CARF: variants seen among roughly 807,000 people sequenced by gnomAD.
CARF encodes the protein calcium responsive transcription factor, also known as calcium-responsive transcription factor.
A neutral mutation model predicts 82.0 loss-of-function variants in CARF; 57 were observed. That is an observed-to-expected ratio of 0.70 (90% CI 0.56 to 0.87). The LOEUF is 0.87. CARF is among the 40% of genes least tolerant of loss of function. The pLI is 0.00. For synonymous variants in CARF, 268 were observed against 290.1 expected (o/e 0.92, Z 0.77); for missense variants, 771 against 855.8 (o/e 0.90, Z 1.24).
intron 3 of CARF, among the ~76,000 whole-genome samples, chr2:202,928,419 A>G (rs1454958397): frequency 6.6e-6 from 1 of 152,188 alleles, no homozygotes; most frequent in Non-Finnish European, 1.5e-5. Flanking sequence ...TTGTGGAATA[A>G]TGATGTAATA....
At chr2:202,970,140 T>C (rs1257864933) in intron 11 of CARF, 78 bp downstream of exon 11, 7 of 1,297,236 alleles carry the variant, frequency 5.4e-6, no homozygotes, top group Middle Eastern at 2.4e-4. Flanking sequence ...AGGGAAATTA[T>C]AGTTTTCCAA....
Position 202,970,022 on chromosome 2 carries a change from A to G in CARF, c.1057A>G (p.Met353Val), listed in dbSNP as rs1486676137. 3 of 1,576,364 alleles carry G rather than the reference A, an allele frequency of 1.9e-6. No individual in the cohort carries two copies. The highest frequency in any genetic ancestry group is 2.6e-6 in the Non-Finnish European group (3 of 1,169,322). The change falls in exon 11 of 17, where the codon ATG becomes GTG. Residue 353 changes from methionine to valine, a missense_variant. Physicochemically the swap from Met to Val is conservative, Grantham distance 21. Coordinates refer to ENST00000438828, the MANE Select transcript of CARF (RefSeq NM_024744.17). Reference protein sequence around the residue: ...IRMEQEKAFNMLKKNLVDAGG... With the variant: ...IRMEQEKAFNVLKKNLVDAGG... ...AATGGAGCAGGAGAAAGCTTTTAAC[A>G]TGCTAAAGAAGAACTTGGTAGATGC...
At chr2:202,962,986 G>A (rs952917860) in intron 9 of CARF, 5 of 152,216 alleles carry the variant, frequency 3.3e-5, no homozygotes, top group African/African-American at 1.2e-4. Flanking sequence ...ATTGCTGGTT[G>A]TGAATTATGC....
chr2:202,921,995 AT>A (rs1169957776), intron 2 of CARF, among the ~76,000 whole-genome samples: 163 of 141,054 alleles, frequency 1.2e-3, no homozygotes, highest in East Asian at 2.5e-3. Context: ...TGCCTGGCTG[AT>A]TTTTTTTTTT....
chr2:202,918,608 T>C (rs1201852257), intron 2 of CARF, among the ~76,000 whole-genome samples: 3 of 152,172 alleles, frequency 2.0e-5, no homozygotes, highest in African/African-American at 2.4e-5. Flanking sequence ...TAAAAACTTA[T>C]AGCATATACT....
intron 5 of CARF, among the ~76,000 whole-genome samples, chr2:202,947,561 G>A (rs1431135872): frequency 6.6e-6 from 1 of 152,138 alleles, no homozygotes; most frequent in African/African-American, 2.4e-5. Context: ...GAGTTGATAG[G>A]TGCAGCAAAC....
rs770488211 is a variant in CARF at position 202,982,425 on chromosome 2, C to T, written c.2043C>T (p.Asp681=). 1 of 1,613,952 alleles carries T rather than the reference C, an allele frequency of 6.2e-7. No individual in the cohort carries two copies. The highest frequency in any genetic ancestry group is 8.5e-7 in the Non-Finnish European group (1 of 1,179,958). The change falls in exon 16 of 17, where the codon GAC becomes GAT. Residue 681 remains aspartate, a synonymous_variant. Transcript: ENST00000438828. Reference sequence around the variant, plus strand: ...AGACTATTCCAATACAGATTATAGACAACCACTCAGCTCTTAGTAAGTTGA... The same window carrying T: ...AGACTATTCCAATACAGATTATAGATAACCACTCAGCTCTTAGTAAGTTGA... ...DVQTIPIQII[D]NHSALIEENP...
At chr2:202,949,717 A>G (rs2058673348) in intron 5 of CARF, among the ~76,000 whole-genome samples, 1 of 151,454 alleles carries the variant, frequency 6.6e-6, no homozygotes, top group Admixed American at 6.6e-5. Context: ...AGCCCAGGTA[A>G]TTTTAGTATT....
chr2:202,974,069 C>T (rs1464858559), intron 12 of CARF, among the ~76,000 whole-genome samples: 1 of 152,182 alleles, frequency 6.6e-6, no homozygotes, highest in African/African-American at 2.4e-5. Context: ...GCCTGGGCGA[C>T]AGAGCGAGAC....
chr2:202,929,886 C>T (rs1692553124), intron 3 of CARF, among the ~76,000 whole-genome samples: 1 of 151,564 alleles, frequency 6.6e-6, no homozygotes, highest in South Asian at 2.1e-4. Flanking sequence ...TGCCATTGTA[C>T]CCAGCTCATT....
chr2:202,946,746 G>A (rs2058515801), intron 5 of CARF, among the ~76,000 whole-genome samples: 1 of 152,130 alleles, frequency 6.6e-6, no homozygotes, highest in South Asian at 2.1e-4. Flanking sequence ...CTATCTATCT[G>A]ACAAAGGTCT....
At chr2:202,951,890 T>C (rs2058771305) in intron 5 of CARF, among the ~76,000 whole-genome samples, 2 of 151,628 alleles carry the variant, frequency 1.3e-5, no homozygotes, top group South Asian at 4.2e-4. Flanking sequence ...TGGAGTATAG[T>C]GGCGCGATCT....
In CARF at chr2:202,986,276, A is replaced by G. The variant is rs1352303452; in HGVS notation, c.*2652A>G. On this transcript the variant is annotated 3_prime_UTR_variant, in exon 17 of 17. Transcript: ENST00000438828. ...TGCTCAGCATCACTTTTTGAAAACT[A>G]TGTTTACATATTTAAAATGTTTAAT... is the stretch of plus-strand genomic sequence containing the variant. 1.3e-5 allele frequency: 2 copies of G among 152,138 alleles called. No homozygotes were observed. Among genetic ancestry groups the G allele is most frequent in the African/African-American group, 2.4e-5 (1 of 41,468 alleles). 9.4% of individuals were successfully genotyped at this position (152,138 alleles called of 1,614,324 possible). A position where few individuals can be genotyped will look rare whatever the true frequency, so the allele number is the denominator to read the frequency against.
intron 11 of CARF, 71 bp downstream of exon 11, chr2:202,970,133 G>A: frequency 3.7e-6 from 5 of 1,343,534 alleles, no homozygotes; most frequent in Non-Finnish European, 5.0e-6. Flanking sequence ...TTTTGTAAGG[G>A]AAATTATAGT....
In CARF at chr2:202,987,206, A is replaced by G. The variant is rs1040293054; in HGVS notation, c.*3582A>G. The G allele has an allele frequency of 6.6e-6, 1 of 151,918 alleles. No homozygotes were observed. The highest frequency in any genetic ancestry group is 2.4e-5 in the African/African-American group (1 of 41,348). 9.4% of individuals were successfully genotyped at this position (151,918 alleles called of 1,614,324 possible). ...CTCAGCCAAGCATCAACATTTTAAAACAATGTGTGTAATAAGTAATTCTCC... is the reference window on the plus strand; with the variant it reads ...CTCAGCCAAGCATCAACATTTTAAAGCAATGTGTGTAATAAGTAATTCTCC... On this transcript the variant is annotated 3_prime_UTR_variant, in exon 17 of 17. Coordinates refer to ENST00000438828, the MANE Select transcript of CARF (RefSeq NM_024744.17).
intron 14 of CARF, 152 bp downstream of exon 14, chr2:202,977,484 T>C: frequency 1.7e-6 from 1 of 600,290 alleles, no homozygotes; most frequent in Non-Finnish European, 3.0e-6. Flanking sequence ...ATCAACATAC[T>C]TCCTACTATT....
chr2:202,916,518 G>A (rs558974312), intron 1 of CARF, among the ~76,000 whole-genome samples: 28 of 152,158 alleles, frequency 1.8e-4, no homozygotes, highest in Non-Finnish European at 2.5e-4. Flanking sequence ...AAGATCTGGC[G>A]CTGATAATGA....
intron 3 of CARF, chr2:202,925,627 C>T (rs1200363153): frequency 1.2e-5 from 3 of 244,258 alleles, no homozygotes; most frequent in Non-Finnish European, 1.6e-5. Context: ...GCCTCAAAGG[C>T]CAGAGGGCTT....
At chr2:202,928,582 C>T (rs190774177) in intron 3 of CARF, among the ~76,000 whole-genome samples, 1 of 152,108 alleles carries the variant, frequency 6.6e-6, no homozygotes, top group Admixed American at 6.5e-5. Context: ...TAATTTACAC[C>T]AACAGTGTAT....
Sources: gnomAD v4.1 joint callset for allele counts (sites outside exome capture counted in the v4.1 genomes callset) on GRCh38, gnomAD v4.1.1 for gene constraint, MANE v1.5 for transcripts, NCBI Gene and HGNC (gene_info 2026-07-23, HGNC 2026-07-21) for gene names.